NUP93: variants seen among roughly 807,000 people sequenced by gnomAD.
NUP93 encodes the protein nuclear pore complex protein Nup93.
A neutral mutation model predicts 107.8 loss-of-function variants in NUP93; 55 were observed. The observed-to-expected ratio is 0.51, with a 90% CI of 0.41 to 0.64. NUP93 has a LOEUF of 0.64. Among genes scored for constraint, NUP93 ranks in the 30% least tolerant of loss-of-function variants. The pLI, the probability that NUP93 is intolerant of heterozygous loss-of-function variation, is 0.00. For synonymous variants in NUP93, 390 were observed against 397.5 expected (o/e 0.98, Z 0.22); for missense variants, 937 against 1,044.7 (o/e 0.90, Z 1.42).
intron 5 of NUP93, among the ~76,000 whole-genome samples, chr16:56,815,213 G>A (rs1839756706): frequency 6.6e-6 from 1 of 152,192 alleles, no homozygotes; most frequent in South Asian, 2.1e-4. Context: ...AAATGCTTTA[G>A]TGCTGTTCTC....
intron 1 of NUP93, among the ~76,000 whole-genome samples, chr16:56,741,502 T>C (rs1247015125): frequency 6.6e-6 from 1 of 152,250 alleles, no homozygotes; most frequent in African/African-American, 2.4e-5. Flanking sequence ...CAGTGTAATC[T>C]TCTCACCCAT....
At chr16:56,823,635 A>G in intron 7 of NUP93, 72 bp from the exon 8 acceptor site, 1 of 1,557,906 alleles carries the variant, frequency 6.4e-7, no homozygotes, top group Non-Finnish European at 8.8e-7. Context: ...TTTGGAGGTC[A>G]GAGTGCCACA....
chr16:56,830,072 A>G (rs1352576492), intron 9 of NUP93, among the ~76,000 whole-genome samples: 3 of 152,220 alleles, frequency 2.0e-5, no homozygotes, highest in Admixed American at 2.0e-4. Flanking sequence ...CAAGATACTG[A>G]GTAAAATGTT....
intron 5 of NUP93, among the ~76,000 whole-genome samples, chr16:56,808,704 AATAC>A (rs1472480406): frequency 8.5e-6 from 1 of 117,116 alleles, no homozygotes; most frequent in African/African-American, 3.5e-5. Flanking sequence ...AATATATAAA[AATAC>A]ATATATAAAT....
chr16:56,744,133 C>G (rs1352620446), intron 1 of NUP93, among the ~76,000 whole-genome samples: 2 of 152,288 alleles, frequency 1.3e-5, no homozygotes, highest in South Asian at 4.1e-4. Context: ...CTTCCTGTGC[C>G]TCTCCTCCAT....
At chr16:56,761,399 G>A (rs1036459849) in intron 3 of NUP93, among the ~76,000 whole-genome samples, 9 of 152,214 alleles carry the variant, frequency 5.9e-5, no homozygotes, top group Admixed American at 4.6e-4. Context: ...TATCCAAGAA[G>A]AGTAAACTTG....
At chr16:56,787,730 A>G (rs545717814) in intron 3 of NUP93, among the ~76,000 whole-genome samples, 2 of 152,274 alleles carry the variant, frequency 1.3e-5, no homozygotes, top group South Asian at 2.1e-4. Flanking sequence ...ATGCATTCCC[A>G]TTTTATACTG....
At chr16:56,795,714 T>A (rs887300673) in intron 3 of NUP93, among the ~76,000 whole-genome samples, 2 of 152,094 alleles carry the variant, frequency 1.3e-5, no homozygotes, top group African/African-American at 4.8e-5. Flanking sequence ...TGGCGTGACC[T>A]CAGCTCACTG....
intron 5 of NUP93, among the ~76,000 whole-genome samples, chr16:56,813,266 A>G (rs1359007909): frequency 2.0e-5 from 3 of 152,206 alleles, no homozygotes; most frequent in South Asian, 2.1e-4. Context: ...TCAAATCAGG[A>G]TATGTCTTAA....
chr16:56,834,869 AC>A, intron 16 of NUP93, 91 bp downstream of exon 16: 1 of 1,062,690 alleles, frequency 9.4e-7, no homozygotes, highest in Non-Finnish European at 1.4e-6. Context: ...GATTCAAGGT[AC>A]TAAAGATGCA....
chr16:56,801,085 A>G lies in NUP93; in HGVS notation c.360+2547A>G, dbSNP rs578079869. ...TTCCTTTTAATTTTTAGATCTCTCC[A>G]CACTTCCAGTTTATCCTTTTTCTTG... On this transcript the variant is annotated intron_variant, in intron 4 of 21. Transcript: ENST00000308159. 9.9e-5 allele frequency among the ~76,000 whole-genome samples: 15 copies of G among 152,258 alleles called. No individual in the cohort carries two copies. In the South Asian group the frequency reaches 1.7e-3, roughly 17 times the overall value.
chr16:56,790,062 A>T lies in NUP93; in HGVS notation c.298-8414A>T, dbSNP rs1483522693. 1.3e-5 allele frequency among the ~76,000 whole-genome samples: 2 copies of T among 152,096 alleles called. 1 individual carries two copies. The highest frequency in any genetic ancestry group is 4.1e-4 in the South Asian group (2 of 4,828). ...CAGTGAACCCAGATGGTGCCACTGC[A>T]CTCCAGCCTGGGCAACAAGAGCAAA... On this transcript the variant is annotated intron_variant, in intron 3 of 21. Coordinates refer to ENST00000308159, the MANE Select transcript of NUP93 (RefSeq NM_014669.5).
chr16:56,788,691 A>C (rs947200109), intron 3 of NUP93, among the ~76,000 whole-genome samples: 2 of 152,206 alleles, frequency 1.3e-5, no homozygotes, highest in Non-Finnish European at 2.9e-5. Flanking sequence ...GGAGATTTAA[A>C]TGGCCATCAT....
At chr16:56,742,767 G>A (rs1961759812) in intron 1 of NUP93, among the ~76,000 whole-genome samples, 1 of 152,128 alleles carries the variant, frequency 6.6e-6, no homozygotes, top group Admixed American at 6.5e-5. Flanking sequence ...ATTTTCTGGA[G>A]TATATCCTGG....
intron 2 of NUP93, among the ~76,000 whole-genome samples, chr16:56,753,107 GA>G (rs1472711314): frequency 1.3e-5 from 2 of 152,270 alleles, no homozygotes; most frequent in East Asian, 1.9e-4. Flanking sequence ...CGCCTTTGGA[GA>G]ATACTAGAGA....
chr16:56,736,734 A>G (rs895013780), intron 1 of NUP93, among the ~76,000 whole-genome samples: 1 of 152,204 alleles, frequency 6.6e-6, no homozygotes, highest in African/African-American at 2.4e-5. Flanking sequence ...TTGGAGTTTG[A>G]GTGCACGGGG....
At chr16:56,809,785 T>C (rs1454607273) in intron 5 of NUP93, among the ~76,000 whole-genome samples, 1 of 152,186 alleles carries the variant, frequency 6.6e-6, no homozygotes, top group Non-Finnish European at 1.5e-5. Context: ...AATAAACAGA[T>C]GCCAAAGTCA....
chr16:56,801,537 C>T (rs1264528970), intron 4 of NUP93, among the ~76,000 whole-genome samples: 2 of 152,094 alleles, frequency 1.3e-5, no homozygotes, highest in South Asian at 2.1e-4. Context: ...CTCAGCCATC[C>T]GAGTAGCTTG....
intron 7 of NUP93, among the ~76,000 whole-genome samples, chr16:56,822,437 G>GA (rs1963564158): frequency 6.6e-6 from 1 of 151,004 alleles, no homozygotes; most frequent in Non-Finnish European, 1.5e-5. Context: ...GCCTGAGTCC[G>GA]GGGGGGCCCA....
Sources: gnomAD v4.1 joint callset for allele counts (sites outside exome capture counted in the v4.1 genomes callset) on GRCh38, gnomAD v4.1.1 for gene constraint, MANE v1.5 for transcripts, NCBI Gene and HGNC (gene_info 2026-07-23, HGNC 2026-07-21) for gene names.